SACM1L: variants seen among roughly 807,000 people sequenced by gnomAD.
SACM1L encodes phosphatidylinositol-3-phosphatase SAC1.
A neutral mutation model predicts 89.5 loss-of-function variants in SACM1L; 32 were observed. The ratio of observed to expected loss-of-function variants is 0.36; its 90% CI spans 0.27 to 0.48. The LOEUF is 0.48. SACM1L is among the 20% of genes least tolerant of loss of function. SACM1L has a pLI of 0.99. For synonymous variants in SACM1L, 213 were observed against 232.8 expected (o/e 0.92, Z 0.77); for missense variants, 543 against 708.5 (o/e 0.77, Z 2.65).
intron 11 of SACM1L, among the ~76,000 whole-genome samples, chr3:45,726,248 G>A (rs531837990): frequency 6.6e-6 from 1 of 152,152 alleles, no homozygotes; most frequent in South Asian, 2.1e-4. Context: ...CAGCTTTTTG[G>A]TAGAGTTTGA....
rs748054815 is a variant in SACM1L at position 45,731,389 on chromosome 3, C to G, written c.1001+9C>G. ...GGAAGTGGAATGATGAGGTACCTCA[C>G]TAGAAATCTGTTGCAGGTCTTTTCA... On this transcript the variant is annotated intron_variant, in intron 12 of 19. Coordinates refer to ENST00000389061, the MANE Select transcript of SACM1L (RefSeq NM_014016.5). 52 of 1,596,270 alleles carry G rather than the reference C, an allele frequency of 3.3e-5. No individual in the cohort carries two copies. The South Asian group carries it at 5.3e-4, about 16-fold the overall frequency.
chr3:45,740,567 G>A (rs1354831824), intron 19 of SACM1L, among the ~76,000 whole-genome samples: 7 of 152,182 alleles, frequency 4.6e-5, no homozygotes, highest in Non-Finnish European at 1.5e-5. Context: ...GGAGTCCTGA[G>A]ATTTTATTTT....
In SACM1L at chr3:45,722,840, T is replaced by C. The variant is rs768899310; in HGVS notation, c.766-29T>C. On this transcript the variant is annotated intron_variant, in intron 9 of 19. Coordinates refer to ENST00000389061, the MANE Select transcript of SACM1L (RefSeq NM_014016.5). Reference sequence around the variant, plus strand: ...TGAGAAAAACAAGTATGTTTGTGTTTCTTTTCACATTTCTCTCTTTTCTTT... The same window carrying C: ...TGAGAAAAACAAGTATGTTTGTGTTCCTTTTCACATTTCTCTCTTTTCTTT... 13 of 1,527,888 alleles carry C rather than the reference T, an allele frequency of 8.5e-6. No individual in the cohort carries two copies. In the East Asian group the frequency reaches 2.9e-4, roughly 34 times the overall value. 94.6% of individuals were successfully genotyped at this position (1,527,888 alleles called of 1,614,324 possible). A position where few individuals can be genotyped will look rare whatever the true frequency, so the allele number is the denominator to read the frequency against.
intron 10 of SACM1L, 133 bp from the exon 11 acceptor site, chr3:45,723,342 A>G: frequency 2.8e-6 from 1 of 355,204 alleles, no homozygotes; most frequent in Non-Finnish European, 4.9e-6. Flanking sequence ...CATAGTTCAC[A>G]TCCTGACATC....
chr3:45,738,819 T>C lies in SACM1L; in HGVS notation c.1515T>C (p.Asp505=). The C allele has an allele frequency of 6.2e-7, 1 of 1,611,762 alleles. No homozygotes were observed. The highest frequency in any genetic ancestry group is 8.5e-7 in the Non-Finnish European group (1 of 1,178,038). ...TATTTCTTGGAAACTATTCAGTGGA[T>C]GAATTAGAATCTCATAGTCCTTTAA... The part of the protein sequence containing the change: ...IDLFLGNYSV[D]ELESHSPLSV... Residue 505 remains aspartate (D), a synonymous_variant, in exon 18 of 20, where the codon GAT becomes GAC. Transcript: ENST00000389061.
intron 11 of SACM1L, among the ~76,000 whole-genome samples, chr3:45,728,861 T>TG (rs1698984606): frequency 1.3e-5 from 2 of 151,912 alleles, no homozygotes; most frequent in South Asian, 2.1e-4. Flanking sequence ...TTTATAGAGA[T>TG]GGGGGTCTCA....
At chr3:45,699,468 A>G (rs199643968) in intron 1 of SACM1L, among the ~76,000 whole-genome samples, 1 of 150,302 alleles carries the variant, frequency 6.7e-6, no homozygotes, top group East Asian at 1.9e-4. Context: ...TAAATTTTAT[A>G]AAATTATAAA....
rs946128291 is a variant in SACM1L, at chr3:45,735,324, A to G, written c.1190A>G (p.Asn397Ser). ...SNCMDCLDRT[N>S]VIQSLLARRS... ...TGCATGGATTGTCTAGATAGAACCA[A>G]TGTGATCCAGAGTTTGTTAGCTCGT... The change falls in exon 14 of 20, where the codon AAT becomes AGT. Residue 397 changes from asparagine (N) to serine (S), a missense_variant. Asn to Ser is a conservative substitution (Grantham distance 46, BLOSUM62 1). Around this residue, in one of 2 missense-constraint regions of SACM1L, gnomAD observed 370 missense variants for 527.6 expected, o/e 0.70. Coordinates refer to ENST00000389061, the MANE Select transcript of SACM1L (RefSeq NM_014016.5). 1 of 1,602,842 alleles carries G rather than the reference A, an allele frequency of 6.2e-7. No homozygotes were observed. The highest frequency in any genetic ancestry group is 1.3e-5 in the African/African-American group (1 of 74,278).
Position 45,689,404 on chromosome 3 carries a change from A to G in SACM1L, c.-62A>G, listed in dbSNP as rs1697909102. On this transcript the variant is annotated 5_prime_UTR_variant, in exon 1 of 20. Coordinates refer to ENST00000389061, the MANE Select transcript of SACM1L (RefSeq NM_014016.5). ...GTGCCAGGGTGACCGGTAGAGTTGT[A>G]GCCGAGGTGGCGGCGCGGGGCGGGG... The G allele has an allele frequency of 1.9e-5, 30 of 1,550,256 alleles. No individual in the cohort carries two copies. The highest frequency in any genetic ancestry group is 2.6e-5 in the Non-Finnish European group (30 of 1,146,478).
Position 45,689,420 on chromosome 3 carries a change from C to T in SACM1L, c.-46C>T, listed in dbSNP as rs1370753629. 1.9e-6 allele frequency: 3 copies of T among 1,549,704 alleles called. No homozygotes were observed. Among genetic ancestry groups the T allele is most frequent in the Non-Finnish European group, 1.7e-6 (2 of 1,147,010 alleles). ...TAGAGTTGTAGCCGAGGTGGCGGCG[C>T]GGGGCGGGGCGGGCGGAGAGAGAAG... On this transcript the variant is annotated 5_prime_UTR_variant, in exon 1 of 20. Coordinates refer to ENST00000389061, the MANE Select transcript of SACM1L (RefSeq NM_014016.5).
At chr3:45,713,461 A>C in intron 6 of SACM1L, 1 of 254,812 alleles carries the variant, frequency 3.9e-6, no homozygotes, top group Non-Finnish European at 7.4e-6. Context: ...GGATCTTGGT[A>C]CATGGATAAT....
At chr3:45,707,085 G>C in intron 4 of SACM1L, 178 bp downstream of exon 4, 2 of 469,264 alleles carry the variant, frequency 4.3e-6, no homozygotes, top group Non-Finnish European at 7.1e-6. Flanking sequence ...TAAATCATTT[G>C]TTGCTCTTGT....
At chr3:45,739,709 GT>G (rs1699276080) in intron 19 of SACM1L, 65 bp downstream of exon 19, 3 of 1,452,692 alleles carry the variant, frequency 2.1e-6, no homozygotes, top group Non-Finnish European at 1.9e-6. Context: ...AACATCTTAA[GT>G]TTTTGAGTTC....
intron 16 of SACM1L, 93 bp downstream of exon 16, chr3:45,737,937 C>A: frequency 1.0e-6 from 1 of 965,724 alleles, no homozygotes; most frequent in Non-Finnish European, 1.6e-6. Flanking sequence ...ACAGCAGCAG[C>A]AACAACAGCA....
intron 19 of SACM1L, 62 bp from the exon 20 acceptor site, chr3:45,743,471 T>C (rs9821974): frequency 0.49 from 749,210 of 1,534,398 alleles, 190,620 homozygotes; most frequent in Middle Eastern, 0.53. Flanking sequence ...GCTAAACAGC[T>C]GAAAACTGGG....
intron 1 of SACM1L, among the ~76,000 whole-genome samples, chr3:45,696,532 G>T (rs1698132048): frequency 6.6e-6 from 1 of 152,052 alleles, no homozygotes; most frequent in South Asian, 2.1e-4. Context: ...AATTTTTAAT[G>T]GGCCACCATA....
Position 45,722,939 on chromosome 3 carries a change from G to A in SACM1L, c.836G>A (p.Ser279Asn). Residue 279 changes from serine to asparagine, a missense_variant, in exon 10 of 20, where the codon AGC becomes AAC. Ser to Asn is a conservative substitution (Grantham distance 46). Around this residue, in one of 2 missense-constraint regions of SACM1L, gnomAD observed 370 missense variants for 527.6 expected, o/e 0.70. Transcript: ENST00000389061. ...AAGTACAAACCACTGCCACAGATCA[G>A]CAAAGTAGCAAATCACGTGTGTATC... is the stretch of plus-strand genomic sequence containing the variant. ...NLKYKPLPQI[S>N]KVANHMDGFQ... is the part of the protein sequence containing the mutation. 5 of 1,613,094 alleles carry A rather than the reference G, an allele frequency of 3.1e-6. No individual in the cohort carries two copies. Among genetic ancestry groups the A allele is most frequent in the Non-Finnish European group, 4.2e-6 (5 of 1,179,308 alleles).
intron 13 of SACM1L, among the ~76,000 whole-genome samples, chr3:45,733,908 A>C (rs971165971): frequency 1.3e-5 from 2 of 152,164 alleles, no homozygotes; most frequent in South Asian, 2.1e-4. Context: ...CCATATTCTT[A>C]ACCACCACAC....
At chr3:45,711,932 AGTTTT>A (rs568545279) in intron 5 of SACM1L, among the ~76,000 whole-genome samples, 62 of 152,328 alleles carry the variant, frequency 4.1e-4, no homozygotes, top group Admixed American at 2.0e-3. Flanking sequence ...ATTCAACAGC[AGTTTT>A]GTTTTAGCAA....
Sources: allele counts gnomAD v4.1 joint callset (sites outside exome capture counted in the v4.1 genomes callset), GRCh38; gene constraint gnomAD v4.1.1; regional missense constraint gnomAD v4.1.1; transcripts MANE v1.5; gene names NCBI Gene and HGNC (gene_info 2026-07-23, HGNC 2026-07-21).